The following SNTG2 variants were observed in gnomAD, a reference collection of about 807,000 sequenced individuals.
SNTG2 encodes the protein gamma-2-syntrophin.
In SNTG2, 74 loss-of-function variants were observed where a neutral mutation model predicts 70.9. The ratio of observed to expected loss-of-function variants is 1.04; its 90% CI spans 0.86 to 1.27. The LOEUF (loss-of-function observed/expected upper bound fraction) is 1.27, where lower values mean the gene tolerates loss of function less well. SNTG2 is among the 50% of genes most tolerant of loss of function. The probability of loss-of-function intolerance (pLI) is 0.00; values close to 1 mark genes in which losing one functional copy is unlikely to be tolerated. For synonymous variants in SNTG2, 278 were observed against 273.8 expected (o/e 1.02, Z -0.15); for missense variants, 717 against 690.7 (o/e 1.04, Z -0.43).
chr2:1,082,920 T>C (rs1664429460), intron 1 of SNTG2, among the ~76,000 whole-genome samples: 1 of 152,198 alleles, frequency 6.6e-6, no homozygotes, highest in South Asian at 2.1e-4. Flanking sequence ...TGATCAATAC[T>C]TCCTAGCAAT....
At chr2:1,048,610 G>A (rs2148073300) in intron 1 of SNTG2, among the ~76,000 whole-genome samples, 1 of 152,182 alleles carries the variant, frequency 6.6e-6, no homozygotes, top group Non-Finnish European at 1.5e-5. Context: ...TGTGGTCTCG[G>A]TTGTAGTAGA....
intron 1 of SNTG2, among the ~76,000 whole-genome samples, chr2:1,012,629 C>G (rs1269737341): frequency 3.2e-5 from 4 of 123,790 alleles, no homozygotes; most frequent in Admixed American, 8.0e-5. Context: ...TTTATAAGGA[C>G]AGAGAGAAGG....
chr2:1,271,954 T>C (rs36189702), intron 14 of SNTG2, among the ~76,000 whole-genome samples: 48,716 of 151,548 alleles, frequency 0.32, 9,093 homozygotes, highest in African/African-American at 0.53. Flanking sequence ...AAGGGAACGC[T>C]ATTGGATGAT....
chr2:960,930 T>A lies in SNTG2; in HGVS notation c.72+9862T>A, dbSNP rs752366556. Among the ~76,000 whole-genome samples the A allele has an allele frequency of 2.2e-4, 33 of 152,184 alleles. 1 individual carries two copies. Among genetic ancestry groups the A allele is most frequent in the Admixed American group, 1.0e-3 (16 of 15,288 alleles). On this transcript the variant is annotated intron_variant, in intron 1 of 16. Transcript: ENST00000308624. ...CACCTGCCCTCCTGCTCCCTGCCAC[T>A]CCAGGGCACAGCCCCTGGTTTGTCT... is the stretch of plus-strand genomic sequence containing the variant.
At chr2:1,073,911 A>C (rs1162446407) in intron 1 of SNTG2, among the ~76,000 whole-genome samples, 2 of 152,194 alleles carry the variant, frequency 1.3e-5, no homozygotes, top group Non-Finnish European at 2.9e-5. Flanking sequence ...AGGGAATTTT[A>C]AAAAGATATT....
intron 8 of SNTG2, among the ~76,000 whole-genome samples, chr2:1,207,761 C>T (rs1424978225): frequency 6.6e-6 from 1 of 152,192 alleles, no homozygotes. Flanking sequence ...TCTCCTCTCA[C>T]CGCAAACCAA....
chr2:1,194,775 C>T (rs943016851), intron 8 of SNTG2, among the ~76,000 whole-genome samples: 10 of 152,046 alleles, frequency 6.6e-5, no homozygotes, highest in Non-Finnish European at 1.3e-4. Flanking sequence ...ATGTGCAGAA[C>T]GTGCAGTTTT....
At chr2:1,075,225 G>A (rs772094423) in intron 1 of SNTG2, among the ~76,000 whole-genome samples, 1 of 152,184 alleles carries the variant, frequency 6.6e-6, no homozygotes, top group Non-Finnish European at 1.5e-5. Context: ...TGAGTCCCCA[G>A]CCTGTCCTAG....
chr2:1,136,066 A>G (rs557768039), intron 4 of SNTG2, among the ~76,000 whole-genome samples: 12 of 152,292 alleles, frequency 7.9e-5, no homozygotes, highest in African/African-American at 2.4e-4. Context: ...TATAGCATCC[A>G]TATTAATGAT....
chr2:1,069,351 A>AC (rs1335266193), intron 1 of SNTG2, among the ~76,000 whole-genome samples: 2 of 148,386 alleles, frequency 1.3e-5, no homozygotes, highest in Non-Finnish European at 3.0e-5. Flanking sequence ...AAAAAAAAAA[A>AC]ACCTCTTGTC....
chr2:1,129,655 T>G (rs1322295198), intron 4 of SNTG2, among the ~76,000 whole-genome samples: 1 of 152,242 alleles, frequency 6.6e-6, no homozygotes, highest in Non-Finnish European at 1.5e-5. Flanking sequence ...AATTGTAATA[T>G]GCATATAACT....
Position 1,123,664 on chromosome 2 carries a change from G to A in SNTG2, c.326-13958G>A, listed in dbSNP as rs548562789. On this transcript the variant is annotated intron_variant, in intron 4 of 16. Transcript: ENST00000308624. ...TGGCCTTGGCAATAATTTCTTGGCT[G>A]TCACACCACAACCTCAGACTACAAA... Among the ~76,000 whole-genome samples, 6 of 152,284 alleles carry A rather than the reference G, an allele frequency of 3.9e-5. 1 individual carries two copies. The East Asian group carries it at 1.2e-3, about 29-fold the overall frequency.
At chr2:1,121,766 C>T (rs1667394135) in intron 4 of SNTG2, among the ~76,000 whole-genome samples, 1 of 152,134 alleles carries the variant, frequency 6.6e-6, no homozygotes, top group African/African-American at 2.4e-5. Context: ...GAAACTGCCC[C>T]CATGATCCAA....
At chr2:1,322,047 A>T (rs116221057) in intron 16 of SNTG2, among the ~76,000 whole-genome samples, 1 of 152,038 alleles carries the variant, frequency 6.6e-6, no homozygotes, top group Non-Finnish European at 1.5e-5. Flanking sequence ...AAATGAGTTG[A>T]CTACTTTTAG....
At chr2:1,224,470 G>A (rs747138474) in intron 9 of SNTG2, among the ~76,000 whole-genome samples, 1 of 152,120 alleles carries the variant, frequency 6.6e-6, no homozygotes, top group Admixed American at 6.6e-5. Flanking sequence ...CTCCTCTGCT[G>A]CATGGCCACC....
chr2:1,270,914 G>A (rs904696641), intron 14 of SNTG2, among the ~76,000 whole-genome samples: 13 of 152,132 alleles, frequency 8.5e-5, no homozygotes, highest in African/African-American at 1.9e-4. Flanking sequence ...AGTGATTAGC[G>A]TGTTCATTCC....
chr2:967,108 A>G (rs1660593911), intron 1 of SNTG2, among the ~76,000 whole-genome samples: 1 of 152,254 alleles, frequency 6.6e-6, no homozygotes, highest in Non-Finnish European at 1.5e-5. Flanking sequence ...AGTCAAAAAT[A>G]TATATGAGAA....
intron 14 of SNTG2, among the ~76,000 whole-genome samples, chr2:1,306,516 T>C (rs1176292278): frequency 6.6e-6 from 1 of 152,172 alleles, no homozygotes; most frequent in Non-Finnish European, 1.5e-5. Flanking sequence ...TCCCGAGCTA[T>C]GCAGCCACAG....
intron 14 of SNTG2, among the ~76,000 whole-genome samples, chr2:1,272,733 C>T (rs111773988): frequency 7.0e-5 from 5 of 71,032 alleles, no homozygotes; most frequent in African/African-American, 2.6e-4. Context: ...GGAGCGGGTG[C>T]AGAAAGGACA....
Sources: allele counts gnomAD v4.1 joint callset (sites outside exome capture counted in the v4.1 genomes callset), GRCh38; gene constraint gnomAD v4.1.1; transcripts MANE v1.5; gene names NCBI Gene and HGNC (gene_info 2026-07-23, HGNC 2026-07-21).